GAK: variants seen among roughly 807,000 people sequenced by gnomAD.
GAK encodes cyclin-G-associated kinase.
GAK carries 79 observed loss-of-function variants against 143.9 expected under a neutral mutation model. The observed-to-expected ratio is 0.55, with a 90% confidence interval of 0.46 to 0.66. The LOEUF (loss-of-function observed/expected upper bound fraction) is 0.66. Among genes scored for constraint, GAK ranks in the 30% least tolerant of loss-of-function variants. GAK has a pLI of 0.00. For missense variants in GAK, 1,693 were observed against 1,779.7 expected, an observed-to-expected ratio of 0.95 and a Z score of 0.88; for synonymous variants, 881 against 765.5, an observed-to-expected ratio of 1.15 and a Z score of -2.49.
chr4:884,114 T>G, intron 11 of GAK, 28 bp from the exon 12 acceptor site: 1 of 1,605,918 alleles, frequency 6.2e-7, no homozygotes, highest in Non-Finnish European at 8.5e-7. Flanking sequence ...AGAACTTGGT[T>G]ATGACAAGAA....
intron 9 of GAK, among the ~76,000 whole-genome samples, chr4:893,053 C>T (rs1373399056): frequency 6.6e-6 from 1 of 152,222 alleles, no homozygotes; most frequent in Non-Finnish European, 1.5e-5. Flanking sequence ...TGCCACCCTC[C>T]TCTCTGTGGG....
At chr4:896,151 C>T (rs922488125) in intron 7 of GAK, among the ~76,000 whole-genome samples, 3 of 152,174 alleles carry the variant, frequency 2.0e-5, no homozygotes, top group African/African-American at 7.2e-5. Flanking sequence ...GTGGTCCCAG[C>T]TACTCGGGAG....
intron 1 of GAK, among the ~76,000 whole-genome samples, chr4:929,400 A>G (rs1460290952): frequency 6.6e-6 from 1 of 152,208 alleles, no homozygotes; most frequent in East Asian, 1.9e-4. Flanking sequence ...CCCGAGTTCA[A>G]GTCAGCCACA....
At chr4:883,956 T>C in intron 12 of GAK, 81 bp downstream of exon 12, 4 of 1,333,996 alleles carry the variant, frequency 3.0e-6, no homozygotes, top group Non-Finnish European at 3.2e-6. Flanking sequence ...GAGGCACCTG[T>C]GCCCTGACAC....
intron 4 of GAK, among the ~76,000 whole-genome samples, chr4:910,693 C>T (rs1721892529): frequency 6.6e-6 from 1 of 152,138 alleles, no homozygotes; most frequent in African/African-American, 2.4e-5. Flanking sequence ...TTCTGTGGGA[C>T]TCCCTGCCTC....
intron 5 of GAK, among the ~76,000 whole-genome samples, chr4:902,614 A>AAAAAAAAAAAG (rs796109765): frequency 1.3e-5 from 2 of 148,294 alleles, no homozygotes; most frequent in Non-Finnish European, 3.0e-5. Context: ...AAAAAAAAAA[A>AAAAAAAAAAAG]CCCCAAAAAA....
At chr4:849,833 G>GTGCCCCCCCCC in intron 27 of GAK, 59 bp from the exon 28 acceptor site, 1 of 1,190,152 alleles carries the variant, frequency 8.4e-7, no homozygotes. Context: ...GGCGGGGCAG[G>GTGCCCCCCCCC]ACCCCCCCCC....
intron 1 of GAK, among the ~76,000 whole-genome samples, chr4:919,724 T>C (rs1384302385): frequency 1.3e-5 from 2 of 152,266 alleles, no homozygotes; most frequent in Admixed American, 6.5e-5. Context: ...CACTTTCTGA[T>C]ATCTAACATT....
Position 932,280 on chromosome 4 carries a change from C to T in GAK, c.-93G>A, listed in dbSNP as rs2152993116. 2 of 1,409,090 alleles carry T rather than the reference C, an allele frequency of 1.4e-6. No homozygotes were observed. Among genetic ancestry groups the T allele is most frequent in the African/African-American group, 1.5e-5 (1 of 66,148 alleles). 87.3% of individuals were successfully genotyped at this position (1,409,090 alleles called of 1,614,324 possible). A position where few individuals can be genotyped will look rare whatever the true frequency, so the allele number is the denominator to read the frequency against. On this transcript the variant is annotated 5_prime_UTR_variant, in exon 1 of 28. Coordinates refer to ENST00000314167, the MANE Select transcript of GAK (RefSeq NM_005255.4). The surrounding 1 kb of genome is among the most constrained non-coding windows in gnomAD (Gnocchi z 4.0). ...CCGGGTCAGCTCAGCAACCGCCGGC[C>T]CGGAGGTGCACCATCTTCCGCCTCG... is the stretch of plus-strand genomic sequence containing the variant.
At chr4:895,292 G>A (rs1392574957) in intron 7 of GAK, among the ~76,000 whole-genome samples, 3 of 152,236 alleles carry the variant, frequency 2.0e-5, no homozygotes, top group Non-Finnish European at 4.4e-5. Flanking sequence ...CAATATGTGA[G>A]CCCAGAGAAG....
intron 11 of GAK, chr4:886,326 C>A (rs565669957): frequency 6.6e-6 from 1 of 152,214 alleles, no homozygotes; most frequent in Non-Finnish European, 1.5e-5. Flanking sequence ...GGGCCTGGAA[C>A]CCATGGGTCC....
At chr4:856,635 C>CAGCTGCTCACACCTGCTCACCAT (rs1749328234) in intron 24 of GAK, among the ~76,000 whole-genome samples, 1 of 151,524 alleles carries the variant, frequency 6.6e-6, no homozygotes, top group African/African-American at 2.4e-5. Flanking sequence ...CTGCTCACCA[C>CAGCTGCTCACACCTGCTCACCAT]AGCTGCTCAC....
At chr4:911,845 T>G in intron 3 of GAK, 58 bp from the exon 4 acceptor site, 1 of 1,284,084 alleles carries the variant, frequency 7.8e-7, no homozygotes, top group Non-Finnish European at 1.1e-6. Context: ...TCTGTGCACT[T>G]CAAAATAAAT....
In GAK at chr4:909,967, GCACC is replaced by G. The variant is rs1721757140; in HGVS notation, c.382+1702_382+1705del. ...CCCCGAGACTTCTCGGCCACGTCAAGCACCCATCCGCCACCCACGTCAGGACAAC... is the reference window on the plus strand; with the variant it reads ...CCCCGAGACTTCTCGGCCACGTCAAGCATCCGCCACCCACGTCAGGACAAC... On this transcript the variant is annotated intron_variant, in intron 4 of 27. Coordinates refer to ENST00000314167, the MANE Select transcript of GAK (RefSeq NM_005255.4). Among the ~76,000 whole-genome samples, 3 of 144,040 alleles carry G rather than the reference GCACC, an allele frequency of 2.1e-5. No homozygotes were observed. In the South Asian group the frequency reaches 6.4e-4, roughly 31 times the overall value. 94.5% of individuals were successfully genotyped at this position (144,040 alleles called of 152,430 possible). A position where few individuals can be genotyped will look rare whatever the true frequency, so the allele number is the denominator to read the frequency against.
chr4:859,520 C>T (rs778036201), intron 24 of GAK, 86 bp downstream of exon 24: 47 of 1,596,292 alleles, frequency 2.9e-5, no homozygotes, highest in Non-Finnish European at 3.7e-5. Flanking sequence ...AAAGACTTCA[C>T]TTTGGGCAGC....
At chr4:923,983 G>C (rs1298127560) in intron 1 of GAK, among the ~76,000 whole-genome samples, 3 of 152,000 alleles carry the variant, frequency 2.0e-5, no homozygotes, top group African/African-American at 7.2e-5. Flanking sequence ...TCAGGAGTTT[G>C]AGACCAGCCT....
At chr4:874,771 GTAT>G (rs936469994) in intron 18 of GAK, among the ~76,000 whole-genome samples, 1 of 151,996 alleles carries the variant, frequency 6.6e-6, no homozygotes, top group African/African-American at 2.4e-5. Flanking sequence ...GATTTTTCAA[GTAT>G]TATTTCTGTT....
intron 3 of GAK, chr4:912,457 G>A (rs1011610165): frequency 3.3e-5 from 14 of 420,476 alleles, no homozygotes; most frequent in Non-Finnish European, 4.9e-5. Flanking sequence ...GTGGTAACCA[G>A]CCCATCCACT....
At chr4:883,284 T>C (rs940670992) in intron 13 of GAK, 31 bp downstream of exon 13, 4 of 1,608,664 alleles carry the variant, frequency 2.5e-6, no homozygotes, top group Admixed American at 1.7e-5. Flanking sequence ...AGCTCCAGAG[T>C]GGCACCAAGA....
Sources: gnomAD v4.1 joint callset for allele counts (sites outside exome capture counted in the v4.1 genomes callset) on GRCh38, gnomAD v4.1.1 for gene constraint, Gnocchi (gnomAD v3.1) non-coding constraint, MANE v1.5 for transcripts, NCBI Gene and HGNC (gene_info 2026-07-23, HGNC 2026-07-21) for gene names.